The following RAPGEF4 variants were observed in gnomAD, a reference collection of about 807,000 sequenced individuals.
The protein encoded by RAPGEF4 is Rap guanine nucleotide exchange factor 4, also known as RAP guanine-nucleotide-exchange factor (GEF) 4.
Under a neutral mutation model 147.9 loss-of-function variants are expected in RAPGEF4, and 66 were observed. The observed-to-expected ratio is 0.45, with a 90% CI of 0.37 to 0.55. The LOEUF is 0.55. Ranked by LOEUF, RAPGEF4 falls within the 20% of genes least tolerant of loss-of-function variation. The pLI, the probability that RAPGEF4 is intolerant of heterozygous loss-of-function variation, is 0.00. For synonymous variants in RAPGEF4, 419 were observed against 442.7 expected (o/e 0.95, Z 0.67); for missense variants, 1,071 against 1,257.3 (o/e 0.85, Z 2.24).
rs1194972823 is a variant in RAPGEF4, at chr2:173,042,053, G to A, written c.2853+5361G>A. ...CTCCAACACAACCTTGCCTTGATAGGGGTTTCACAGCCTGGGATTATCTTC... is the reference window on the plus strand; with the variant it reads ...CTCCAACACAACCTTGCCTTGATAGAGGTTTCACAGCCTGGGATTATCTTC... On this transcript the variant is annotated intron_variant, in intron 29 of 30. Coordinates refer to ENST00000397081, the MANE Select transcript of RAPGEF4 (RefSeq NM_007023.4). This position sits in a 1 kb window ranked among gnomAD's most constrained non-coding sequence, Gnocchi z 4.2. Among the ~76,000 whole-genome samples the A allele has an allele frequency of 6.6e-6, 1 of 152,118 alleles. No individual in the cohort carries two copies. The highest frequency in any genetic ancestry group is 1.5e-5 in the Non-Finnish European group (1 of 68,020).
At chr2:172,994,948 G>A (rs371614260) in intron 15 of RAPGEF4, among the ~76,000 whole-genome samples, 3 of 151,742 alleles carry the variant, frequency 2.0e-5, no homozygotes, top group African/African-American at 7.3e-5. Context: ...TTTTGGTCTT[G>A]TGCGCGCACT....
rs144688191 is a variant in RAPGEF4, at chr2:172,880,114, A to T, written c.445-37688A>T. ...CAGACTGAAGGGGTGGGGGAATCAC[A>T]TGCCCACTTGCTGACTGGAACCAAA... On this transcript the variant is annotated intron_variant, in intron 4 of 30. Transcript: ENST00000397081. 9.2e-5 allele frequency among the ~76,000 whole-genome samples: 14 copies of T among 152,296 alleles called. No individual in the cohort carries two copies. The East Asian group carries it at 2.7e-3, about 29-fold the overall frequency.
chr2:172,894,834 T>C (rs998068310), intron 4 of RAPGEF4, among the ~76,000 whole-genome samples: 2 of 152,138 alleles, frequency 1.3e-5, no homozygotes, highest in African/African-American at 2.4e-5. Context: ...AAAACATTCA[T>C]ACTTAAACAT....
chr2:172,897,919 T>C (rs1698681416), intron 4 of RAPGEF4, among the ~76,000 whole-genome samples: 1 of 152,004 alleles, frequency 6.6e-6, no homozygotes, highest in South Asian at 2.1e-4. Context: ...CCAGATGAGA[T>C]GCCTGGCTGA....
chr2:172,792,490 A>G (rs1283078443), intron 1 of RAPGEF4, among the ~76,000 whole-genome samples: 1 of 152,174 alleles, frequency 6.6e-6, no homozygotes, highest in Non-Finnish European at 1.5e-5. Flanking sequence ...ACACATCAGG[A>G]TTTCCCTTCC....
chr2:172,839,045 C>G (rs1319821148), intron 4 of RAPGEF4, among the ~76,000 whole-genome samples: 1 of 149,810 alleles, frequency 6.7e-6, no homozygotes, highest in African/African-American at 2.5e-5. Flanking sequence ...GACCCCTCCC[C>G]TAAAAGATCA....
At chr2:172,852,628 T>C (rs1333874079) in intron 4 of RAPGEF4, among the ~76,000 whole-genome samples, 1 of 152,158 alleles carries the variant, frequency 6.6e-6, no homozygotes, top group African/African-American at 2.4e-5. Context: ...GCCTCTGACT[T>C]ATTTTTCCTG....
chr2:172,793,035 G>A (rs1574854205), intron 1 of RAPGEF4, among the ~76,000 whole-genome samples: 1 of 152,288 alleles, frequency 6.6e-6, no homozygotes, highest in East Asian at 1.9e-4. Context: ...AGGTGTGGGA[G>A]GCACATGACT....
chr2:172,741,645 G>T (rs902480752), intron 1 of RAPGEF4, among the ~76,000 whole-genome samples: 4 of 152,046 alleles, frequency 2.6e-5, no homozygotes, highest in Non-Finnish European at 4.4e-5. Context: ...ACAAAAAGAA[G>T]AAATAGCAGT....
intron 6 of RAPGEF4, among the ~76,000 whole-genome samples, chr2:172,942,260 A>G (rs1219874334): frequency 6.6e-6 from 1 of 150,944 alleles, no homozygotes; most frequent in Admixed American, 6.6e-5. Flanking sequence ...ATTACCTAAT[A>G]TTAACTGGAG....
At chr2:172,985,929 T>G (rs1419619924) in intron 12 of RAPGEF4, among the ~76,000 whole-genome samples, 1 of 152,218 alleles carries the variant, frequency 6.6e-6, no homozygotes. Context: ...TTTTCTTCTC[T>G]CACTTCCACT....
rs577194807 is a variant in RAPGEF4 at position 172,896,586 on chromosome 2, C to CA, written c.445-21209dup. ...CCACCAACACCATCCCACCCCCCCCCAAAAAAATCCAGTTTTGGTTAAGTT... is the reference window on the plus strand; with the variant it reads ...CCACCAACACCATCCCACCCCCCCCCAAAAAAAATCCAGTTTTGGTTAAGTT... On this transcript the variant is annotated intron_variant, in intron 4 of 30. Coordinates refer to ENST00000397081, the MANE Select transcript of RAPGEF4 (RefSeq NM_007023.4). Among the ~76,000 whole-genome samples the CA allele has an allele frequency of 5.9e-5, 9 of 151,738 alleles. No homozygotes were observed. The South Asian group carries it at 1.3e-3, about 22-fold the overall frequency.
intron 23 of RAPGEF4, 104 bp from the exon 24 acceptor site, chr2:173,026,468 G>A (rs1204511787): frequency 1.6e-6 from 2 of 1,235,700 alleles, no homozygotes; most frequent in Middle Eastern, 2.1e-4. Flanking sequence ...TCCTGAAAGC[G>A]TCCATCTCCA....
chr2:173,019,177 T>C (rs1695797643), intron 22 of RAPGEF4, among the ~76,000 whole-genome samples: 2 of 152,182 alleles, frequency 1.3e-5, no homozygotes, highest in African/African-American at 2.4e-5. Flanking sequence ...AAGTCCAAAG[T>C]TGGAAGTGGT....
At chr2:172,868,024 T>C (rs1694824844) in intron 4 of RAPGEF4, among the ~76,000 whole-genome samples, 1 of 152,234 alleles carries the variant, frequency 6.6e-6, no homozygotes, top group South Asian at 2.1e-4. Flanking sequence ...CATGTCGTAG[T>C]TAAATTAATC....
intron 1 of RAPGEF4, among the ~76,000 whole-genome samples, chr2:172,765,796 C>A (rs1696779710): frequency 6.6e-6 from 1 of 152,214 alleles, no homozygotes. Context: ...GGTCTGGCTG[C>A]CACTGTTGGG....
chr2:172,869,234 A>G (rs1694956882), intron 4 of RAPGEF4, among the ~76,000 whole-genome samples: 1 of 152,234 alleles, frequency 6.6e-6, no homozygotes, highest in South Asian at 2.1e-4. Context: ...CTTCATAAAC[A>G]ATCCAGCTCT....
At chr2:172,932,841 T>A (rs936570289) in intron 6 of RAPGEF4, among the ~76,000 whole-genome samples, 21 of 152,354 alleles carry the variant, frequency 1.4e-4, no homozygotes, top group African/African-American at 5.0e-4. Context: ...AATATTCGTG[T>A]TTTAAAATCT....
chr2:172,759,039 G>T (rs1203870174), intron 1 of RAPGEF4, among the ~76,000 whole-genome samples: 1 of 152,226 alleles, frequency 6.6e-6, no homozygotes, highest in Non-Finnish European at 1.5e-5. Flanking sequence ...TGTCAACCGT[G>T]TTTTGAAAGG....
Sources: allele counts gnomAD v4.1 joint callset (sites outside exome capture counted in the v4.1 genomes callset), GRCh38; gene constraint gnomAD v4.1.1; non-coding constraint Gnocchi (gnomAD v3.1); transcripts MANE v1.5; gene names NCBI Gene and HGNC (gene_info 2026-07-23, HGNC 2026-07-21).